PCDH15: variants seen among roughly 807,000 people sequenced by gnomAD.
The protein encoded by PCDH15 is protocadherin-15.
Under a neutral mutation model 178.5 loss-of-function variants are expected in PCDH15, and 129 were observed. The observed-to-expected ratio is 0.72, with a 90% CI of 0.63 to 0.84. The LOEUF is 0.84. Among genes scored for constraint, PCDH15 ranks in the 40% least tolerant of loss-of-function variants. The probability of loss-of-function intolerance (pLI) is 0.00; values close to 1 mark genes in which losing one functional copy is unlikely to be tolerated. For missense variants in PCDH15, 2,230 were observed against 2,099.9 expected (o/e 1.06, Z -1.21); for synonymous variants, 800 against 732.0 (o/e 1.09, Z -1.50).
chr10:55,466,531 G>T (rs1480473130), intron 2 of PCDH15, among the ~76,000 whole-genome samples: 1 of 152,120 alleles, frequency 6.6e-6, no homozygotes, highest in Non-Finnish European at 1.5e-5. Context: ...CTACCATTTT[G>T]CCGATGAGGA....
At chr10:54,701,076 G>T (rs942873655) in intron 1 of PCDH15, among the ~76,000 whole-genome samples, 20 of 152,024 alleles carry the variant, frequency 1.3e-4, no homozygotes, top group African/African-American at 4.8e-4. Context: ...TTTTTTAAGT[G>T]ATAATGCTTC....
rs151023758 is a variant in PCDH15 at position 54,103,425 on chromosome 10, T to C, written c.1918-13362A>G. On this transcript the variant is annotated intron_variant, in intron 15 of 37. Transcript: ENST00000644397. ...CCACCTTGGGATCCAATTACTCCTA[T>C]TGTATTTAAATTTTGTAGTTGAGTG... Among the ~76,000 whole-genome samples, 286 of 152,292 alleles carry C rather than the reference T, an allele frequency of 1.9e-3. 2 individuals are homozygous for C. Among genetic ancestry groups the C allele is most frequent in the African/African-American group, 6.7e-3 (277 of 41,566 alleles).
intron 25 of PCDH15, among the ~76,000 whole-genome samples, chr10:53,922,190 A>G (rs2084055402): frequency 6.6e-6 from 1 of 152,234 alleles, no homozygotes; most frequent in Non-Finnish European, 1.5e-5. Context: ...CAGAGAATTC[A>G]GAGGAAAATA....
chr10:54,801,483 G>A (rs558954080), upstream of PCDH15, among the ~76,000 whole-genome samples: 6 of 152,276 alleles, frequency 3.9e-5, no homozygotes, highest in Non-Finnish European at 7.4e-5. Flanking sequence ...TACTGTGTTC[G>A]TCAGCCTGTC....
At chr10:54,286,977 T>C in intron 8 of PCDH15, among the ~76,000 whole-genome samples, 1 of 152,194 alleles carries the variant, frequency 6.6e-6, no homozygotes. Context: ...TTTGCTGTAC[T>C]TATTAAATGG....
intron 2 of PCDH15, among the ~76,000 whole-genome samples, chr10:55,479,831 AT>A (rs1447833441): frequency 6.6e-6 from 1 of 151,744 alleles, no homozygotes; most frequent in Non-Finnish European, 1.5e-5. Context: ...CAAACTCACC[AT>A]ACAATAATTA....
intron 3 of PCDH15, among the ~76,000 whole-genome samples, chr10:54,422,679 C>T (rs1774662): frequency 0.14 from 21,529 of 152,056 alleles, 1,615 homozygotes; most frequent in Middle Eastern, 0.23. Flanking sequence ...GTAAAATTGT[C>T]CCGGCTTGAG....
At chr10:54,583,409 T>C (rs2091210661) in intron 2 of PCDH15, among the ~76,000 whole-genome samples, 1 of 152,044 alleles carries the variant, frequency 6.6e-6, no homozygotes, top group Non-Finnish European at 1.5e-5. Context: ...TTATGTTACC[T>C]TTTCATGGAG....
chr10:54,098,423 A>C (rs2136126986), intron 15 of PCDH15, among the ~76,000 whole-genome samples: 1 of 152,250 alleles, frequency 6.6e-6, no homozygotes. Context: ...GGCTCAAGAT[A>C]AAGGAGGTTA....
At chr10:54,995,636 C>CA (rs959700365) in intron 2 of PCDH15, among the ~76,000 whole-genome samples, 14 of 151,258 alleles carry the variant, frequency 9.3e-5, no homozygotes, top group Middle Eastern at 3.4e-3. Context: ...CCCTCCCCCC[C>CA]ACGCCCCAAA....
chr10:54,623,201 A>C (rs964959307), intron 2 of PCDH15, among the ~76,000 whole-genome samples: 2 of 152,064 alleles, frequency 1.3e-5, no homozygotes, highest in African/African-American at 4.8e-5. Flanking sequence ...TCATCAAAGC[A>C]AACGACATCA....
intron 2 of PCDH15, among the ~76,000 whole-genome samples, chr10:55,330,986 C>T (rs1051789745): frequency 1.3e-5 from 2 of 151,616 alleles, no homozygotes; most frequent in Non-Finnish European, 2.9e-5. Flanking sequence ...CGCCACTCTC[C>T]TATCCAATAT....
chr10:53,806,766 C>T lies in PCDH15; in HGVS notation c.5036G>A (p.Gly1679Glu), dbSNP rs373018461. Residue 1679 changes from glycine (G) to glutamate (E), a missense_variant, in exon 38 of 38, where the codon GGG becomes GAG. Transcript: ENST00000644397. Reference sequence around the variant, plus strand: ...TGGCTTCACCGCTGTATTGTCAGTCCCCACAGGGCAAGGGGCAAATGTAAC... The same window carrying T: ...TGGCTTCACCGCTGTATTGTCAGTCTCCACAGGGCAAGGGGCAAATGTAAC... ...TLVTFAPCPV[G>E]TDNTAVKPLR... The T allele has an allele frequency of 1.9e-6, 3 of 1,613,722 alleles. No individual in the cohort carries two copies. Among genetic ancestry groups the T allele is most frequent in the Admixed American group, 1.7e-5 (1 of 59,978 alleles).
At chr10:55,310,708 C>A (rs1216096421) in intron 1 of PCDH15, among the ~76,000 whole-genome samples, 2 of 152,090 alleles carry the variant, frequency 1.3e-5, no homozygotes, top group Non-Finnish European at 2.9e-5. Flanking sequence ...AGAATGAGTT[C>A]ATCATATCCT....
chr10:53,807,188 T>C, intron 37 of PCDH15, 58 bp from the exon 38 acceptor site: 1 of 1,315,544 alleles, frequency 7.6e-7, no homozygotes. Context: ...AAGGCAATGA[T>C]TACATTGCCT....
At position 55,568,983 on chromosome 10, in the gene PCDH15, C is replaced by T. The variant is rs1333321312; in HGVS notation, c.-156+58642G>A. ...GGGAATGGTGGAGAGAGTGGTGTTG[C>T]TGAGAGCGAAAGAATGTTTGCAGAA... On this transcript the variant is annotated intron_variant, in intron 2 of 5. Transcript: ENST00000613346. Among the ~76,000 whole-genome samples, 3 of 151,910 alleles carry T rather than the reference C, an allele frequency of 2.0e-5. No individual in the cohort carries two copies. In the East Asian group the frequency reaches 5.8e-4, roughly 29 times the overall value.
At chr10:55,245,909 A>T (rs1196541538) in intron 1 of PCDH15, among the ~76,000 whole-genome samples, 1 of 152,338 alleles carries the variant, frequency 6.6e-6, no homozygotes, top group East Asian at 1.9e-4. Context: ...TAAACCAAAC[A>T]GTTCTATGCT....
intron 15 of PCDH15, among the ~76,000 whole-genome samples, chr10:54,123,903 GAAC>G (rs1441896656): frequency 6.6e-6 from 1 of 152,074 alleles, no homozygotes; most frequent in African/African-American, 2.4e-5. Flanking sequence ...CACAGAAATA[GAAC>G]AACAAATATT....
At chr10:55,159,464 C>CTTTATAAAGAGATATATT (rs1839000460) in intron 2 of PCDH15, among the ~76,000 whole-genome samples, 1 of 149,336 alleles carries the variant, frequency 6.7e-6, no homozygotes, top group African/African-American at 2.5e-5. Flanking sequence ...AAAGATCTCT[C>CTTTATAAAGAGATATATT]TCTCTATGTT....
Sources: gnomAD v4.1 joint callset for allele counts (sites outside exome capture counted in the v4.1 genomes callset) on GRCh38, gnomAD v4.1.1 for gene constraint, MANE v1.5 for transcripts, NCBI Gene and HGNC (gene_info 2026-07-23, HGNC 2026-07-21) for gene names.